Variants in TENM4 observed in about 807,000 individuals in gnomAD.
TENM4 encodes the protein teneurin-4.
TENM4 carries 82 observed loss-of-function variants against 243.3 expected under a neutral mutation model. The ratio of observed to expected loss-of-function variants is 0.34; its 90% confidence interval spans 0.28 to 0.40. The LOEUF is 0.40. Among genes scored for constraint, TENM4 ranks in the 10% least tolerant of loss-of-function variants. The probability of loss-of-function intolerance (pLI) is 1.00; values close to 1 mark genes in which losing one functional copy is unlikely to be tolerated. For synonymous variants in TENM4, 1,412 were observed against 1,456.3 expected, an observed-to-expected ratio of 0.97 and a Z score of 0.69; for missense variants, 3,138 against 3,673.3, an observed-to-expected ratio of 0.85 and a Z score of 3.77.
intron 1 of TENM4, among the ~76,000 whole-genome samples, chr11:79,433,861 T>C (rs574046909): frequency 2.5e-4 from 38 of 152,294 alleles, no homozygotes; most frequent in Non-Finnish European, 5.0e-4. Flanking sequence ...CAAAGCAGCA[T>C]CTAAACCGTT....
At chr11:79,196,985 G>A (rs147535576) in intron 3 of TENM4, among the ~76,000 whole-genome samples, 27 of 152,300 alleles carry the variant, frequency 1.8e-4, no homozygotes, top group African/African-American at 6.5e-4. Context: ...CATGCCCAGG[G>A]TTAAGAGGTT....
At chr11:79,302,163 C>G (rs1364214606) in intron 1 of TENM4, among the ~76,000 whole-genome samples, 1 of 152,194 alleles carries the variant, frequency 6.6e-6, no homozygotes, top group Non-Finnish European at 1.5e-5. Flanking sequence ...CTATCTACTT[C>G]AAGGATCAAG....
intron 8 of TENM4, 136 bp from the exon 9 acceptor site, chr11:78,890,156 G>A (rs1855630571): frequency 4.5e-6 from 3 of 662,868 alleles, no homozygotes; most frequent in African/African-American, 1.8e-5. Flanking sequence ...CAGAGACCTG[G>A]GAAAGGACAG....
In TENM4 at chr11:78,819,504, T is replaced by C. The variant is rs896515615; in HGVS notation, c.1682-5109A>G. ...TGTCTCACAGGGGCAGTAATATCAG[T>C]AAAGGGAAGGCAGCTTTTCTCCTCT... is the stretch of plus-strand genomic sequence containing the variant. On this transcript the variant is annotated intron_variant, in intron 12 of 33. Coordinates refer to ENST00000278550, the MANE Select transcript of TENM4 (RefSeq NM_001098816.3). 5.3e-5 allele frequency among the ~76,000 whole-genome samples: 8 copies of C among 152,148 alleles called. No homozygotes were observed. The East Asian group carries it at 9.7e-4, about 18-fold the overall frequency.
chr11:78,952,310 A>G (rs1199007302), intron 6 of TENM4, among the ~76,000 whole-genome samples: 1 of 152,234 alleles, frequency 6.6e-6, no homozygotes, highest in Non-Finnish European at 1.5e-5. Context: ...TTGAATCTGC[A>G]TGAAAGTAAT....
intron 12 of TENM4, among the ~76,000 whole-genome samples, chr11:78,826,134 C>G (rs1049763160): frequency 7.9e-6 from 1 of 127,236 alleles, no homozygotes; most frequent in African/African-American, 3.0e-5. Flanking sequence ...GTTGCCCAGG[C>G]TGGAGTGCAG....
intron 1 of TENM4, among the ~76,000 whole-genome samples, chr11:79,380,542 C>T (rs1565322643): frequency 6.6e-6 from 1 of 152,150 alleles, no homozygotes; most frequent in Non-Finnish European, 1.5e-5. Flanking sequence ...TAAGCATTAA[C>T]AAAGCAAAGA....
At chr11:78,660,822 G>C (rs1858012872) in intron 33 of TENM4, among the ~76,000 whole-genome samples, 1 of 152,136 alleles carries the variant, frequency 6.6e-6, no homozygotes, top group Non-Finnish European at 1.5e-5. Context: ...GGATGAGACT[G>C]TTTTTAAAGA....
chr11:78,910,194 T>C (rs1294448191), intron 6 of TENM4, among the ~76,000 whole-genome samples: 1 of 152,198 alleles, frequency 6.6e-6, no homozygotes, highest in Non-Finnish European at 1.5e-5. Flanking sequence ...CATCCAGCCC[T>C]GCAAATGGCA....
At chr11:79,271,207 C>T (rs748698118) in intron 2 of TENM4, among the ~76,000 whole-genome samples, 24 of 152,316 alleles carry the variant, frequency 1.6e-4, no homozygotes, top group Middle Eastern at 3.4e-3. Context: ...GGGGAACATT[C>T]AAACTGAACT....
chr11:79,051,115 T>A (rs1187599086), intron 6 of TENM4, among the ~76,000 whole-genome samples: 1 of 152,218 alleles, frequency 6.6e-6, no homozygotes, highest in Non-Finnish European at 1.5e-5. Flanking sequence ...TTAAACAAAA[T>A]ATGAAAACAC....
chr11:79,304,046 GA>G (rs1856589717), intron 1 of TENM4, among the ~76,000 whole-genome samples: 1 of 152,168 alleles, frequency 6.6e-6, no homozygotes, highest in Admixed American at 6.5e-5. Context: ...GGTACTTTGG[GA>G]AAAGGGTTGG....
chr11:79,308,134 G>A (rs995695541), intron 1 of TENM4, among the ~76,000 whole-genome samples: 1 of 152,230 alleles, frequency 6.6e-6, no homozygotes, highest in African/African-American at 2.4e-5. Context: ...AGGAGCCACG[G>A]GCCTAATCCT....
At chr11:79,361,058 T>C (rs1214527462) in intron 1 of TENM4, among the ~76,000 whole-genome samples, 2 of 152,154 alleles carry the variant, frequency 1.3e-5, no homozygotes, top group South Asian at 2.1e-4. Context: ...GCTGGTAGCA[T>C]TGGCCTTAGA....
In TENM4 at chr11:78,687,956, G is replaced by C. The variant is rs921403856; in HGVS notation, c.5260+98C>G. On this transcript the variant is annotated intron_variant, in intron 29 of 33. Transcript: ENST00000278550. ...AGAGTTGCAATGCTTTCCTGTTCTT[G>C]GGCAGCTCCAGCAGCAGCCTATTTC... 7 of 1,400,428 alleles carry C rather than the reference G, an allele frequency of 5.0e-6. No homozygotes were observed. The African/African-American group carries it at 1.0e-4, about 20-fold the overall frequency. The allele number at this position is 1,400,428 out of a possible 1,614,324, so 86.8% of individuals were successfully genotyped here.
At chr11:79,260,852 C>T (rs369002268) in intron 2 of TENM4, among the ~76,000 whole-genome samples, 1 of 152,138 alleles carries the variant, frequency 6.6e-6, no homozygotes, top group Non-Finnish European at 1.5e-5. Flanking sequence ...CCAGATAATG[C>T]CAAATCTTCC....
intron 1 of TENM4, among the ~76,000 whole-genome samples, chr11:79,373,559 C>G (rs1857831347): frequency 6.6e-6 from 1 of 151,800 alleles, no homozygotes; most frequent in African/African-American, 2.4e-5. Flanking sequence ...GGAGGCATTT[C>G]AAAGAGAAGG....
intron 1 of TENM4, among the ~76,000 whole-genome samples, chr11:79,352,661 C>T (rs989264637): frequency 6.6e-6 from 1 of 152,194 alleles, no homozygotes; most frequent in Non-Finnish European, 1.5e-5. Context: ...AAATTCTGCC[C>T]CTTGCTCTCT....
At chr11:79,412,996 T>C (rs1353005691) in intron 1 of TENM4, among the ~76,000 whole-genome samples, 1 of 152,244 alleles carries the variant, frequency 6.6e-6, no homozygotes, top group Admixed American at 6.5e-5. Context: ...GAGGCACCCA[T>C]GGTGGGTACC....
Sources: gnomAD v4.1 joint callset for allele counts (sites outside exome capture counted in the v4.1 genomes callset) on GRCh38, gnomAD v4.1.1 for gene constraint, MANE v1.5 for transcripts, NCBI Gene and HGNC (gene_info 2026-07-23, HGNC 2026-07-21) for gene names.